The following CNTNAP1 variants were observed in gnomAD, a reference collection of about 807,000 sequenced individuals.
CNTNAP1 encodes contactin-associated protein 1.
In CNTNAP1, 80 loss-of-function variants were observed where a neutral mutation model predicts 161.5. The ratio of observed to expected loss-of-function variants is 0.50; its 90% CI spans 0.41 to 0.60. The LOEUF is 0.60. Ranked by LOEUF, CNTNAP1 falls within the 20% of genes least tolerant of loss-of-function variation. CNTNAP1 has a pLI of 0.00. For synonymous variants in CNTNAP1, 695 were observed against 733.1 expected, an observed-to-expected ratio of 0.95 and a Z score of 0.84; for missense variants, 1,464 against 1,854.8, an observed-to-expected ratio of 0.79 and a Z score of 3.87.
In CNTNAP1 at chr17:42,691,917, C is replaced by T. The variant is rs777210503; in HGVS notation, c.2456C>T (p.Ser819Leu). ...TTCTACTTCAGGACCTCTGCTCCCT[C>T]GGGGGTCTTCCTAGAGAATATGGGG... The part of the protein sequence containing the change: ...VSFYFRTSAP[S>L]GVFLENMGGP... Residue 819 changes from serine (S) to leucine (L), a missense_variant, in exon 16 of 24, where the codon TCG (serine) becomes TTG (leucine). Around this residue, in one of 3 missense-constraint regions of CNTNAP1, gnomAD observed 1,383 missense variants for 1,765.0 expected, o/e 0.78. Transcript: ENST00000264638. This position sits in a 1 kb window ranked among gnomAD's most constrained non-coding sequence, Gnocchi z 4.3. 2.8e-5 allele frequency: 46 copies of T among 1,614,130 alleles called. No homozygotes were observed. In the Admixed American group the frequency reaches 3.0e-4, roughly 11 times the overall value.
intron 1 of CNTNAP1, 123 bp downstream of exon 1, chr17:42,683,019 C>A: frequency 1.1e-6 from 1 of 925,602 alleles, no homozygotes; most frequent in Non-Finnish European, 1.6e-6. Flanking sequence ...CGCCCGCTGG[C>A]TCTCATCTTT....
At position 42,699,168 on chromosome 17, in the gene CNTNAP1, G is replaced by A. The variant is rs955798157; in HGVS notation, c.*258G>A. On this transcript the variant is annotated 3_prime_UTR_variant, in exon 24 of 24. Transcript: ENST00000264638. ...CTGGCTGTTTATCTGCCCCAAAGGA[G>A]AAGCCTCATGGGGTTGACATAGGTC... 9.5e-6 allele frequency: 4 copies of A among 422,140 alleles called. No homozygotes were observed. The highest frequency in any genetic ancestry group is 8.1e-5 in the African/African-American group (4 of 49,502). 26.1% of individuals were successfully genotyped at this position (422,140 alleles called of 1,614,324 possible). A position where few individuals can be genotyped will look rare whatever the true frequency, so the allele number is the denominator to read the frequency against.
chr17:42,689,794 G>A (rs1597807201), intron 11 of CNTNAP1, 167 bp downstream of exon 11: 1 of 630,858 alleles, frequency 1.6e-6, no homozygotes, highest in East Asian at 2.9e-5. Flanking sequence ...AGGCTAGAGT[G>A]CAGTGGTGCC....
At chr17:42,698,445 A>ATGTGTGTGTGTGTG (rs71276881) in intron 23 of CNTNAP1, among the ~76,000 whole-genome samples, 173 bp from the exon 24 acceptor site, 17 of 139,590 alleles carry the variant, frequency 1.2e-4, no homozygotes, top group East Asian at 4.2e-4. Context: ...CCAAAAGTAA[A>ATGTGTGTGTGTGTG]TGTGTGTGTG....
chr17:42,697,505 C>A, intron 21 of CNTNAP1, 49 bp from the exon 22 acceptor site: 1 of 1,610,762 alleles, frequency 6.2e-7, no homozygotes, highest in Non-Finnish European at 8.5e-7. Context: ...GTGAGAGTGG[C>A]AGGGCCTTTG....
In CNTNAP1 at chr17:42,688,983, G is replaced by C. The variant is rs35437096; in HGVS notation, c.1564G>C (p.Val522Leu). 6.9e-3 allele frequency: 11,177 copies of C among 1,613,082 alleles called. 610 individuals are homozygous for C. The African/African-American group carries it at 0.12, about 18-fold the overall frequency. ...VDGQLVNLTL[V>L]EGRRLGFYAE... ...TGGTCAACTGGTCAACCTGACTCTG[G>C]TGGAGGGCCGGCGGCTTGGATTCTA... The change falls in exon 10 of 24, where the codon GTG (valine) becomes CTG (leucine). Residue 522 changes from valine (V) to leucine (L), a missense_variant. Around this residue, in one of 3 missense-constraint regions of CNTNAP1, gnomAD observed 1,383 missense variants for 1,765.0 expected, o/e 0.78. Coordinates refer to ENST00000264638, the MANE Select transcript of CNTNAP1 (RefSeq NM_003632.3).
chr17:42,685,518 T>G lies in CNTNAP1; in HGVS notation c.715+98T>G, dbSNP rs1380824922. The G allele has an allele frequency of 1.0e-4, 122 of 1,175,656 alleles. No homozygotes were observed. Among genetic ancestry groups the G allele is most frequent in the Non-Finnish European group, 1.4e-4 (120 of 836,712 alleles). 72.8% of individuals were successfully genotyped at this position (1,175,656 alleles called of 1,614,324 possible). The stretch of plus-strand genomic sequence containing the variant: ...CTCCGCGCATCCGCGCTCAGCCTGG[T>G]CTTCCACTTCTCTAAGGCCTGGACC... On this transcript the variant is annotated intron_variant, in intron 5 of 23. Transcript: ENST00000264638. This position sits in a 1 kb window ranked among gnomAD's most constrained non-coding sequence, Gnocchi z 5.0.
chr17:42,689,129 A>C, intron 10 of CNTNAP1, 82 bp downstream of exon 10: 1 of 1,359,304 alleles, frequency 7.4e-7, no homozygotes, highest in Non-Finnish European at 1.0e-6. Context: ...TCTTTCAATA[A>C]TCTCCCTTCT....
At position 42,695,544 on chromosome 17, in the gene CNTNAP1, G is replaced by A. The variant is rs2053140285; in HGVS notation, c.3016G>A (p.Gly1006Ser). Reference sequence around the variant, plus strand: ...AGATATTGGTGGTTTCTTTGAGCCGGGCACCTGGATGCGCTATAACCTACA... The same window carrying A: ...AGATATTGGTGGTTTCTTTGAGCCGAGCACCTGGATGCGCTATAACCTACA... ...NHDIGGFFEP[G>S]TWMRYNLQSA... The change falls in exon 19 of 24, where the codon GGC (glycine) becomes AGC (serine). Residue 1006 changes from glycine to serine, a missense_variant. Physicochemically the swap from Gly to Ser is moderately conservative, Grantham distance 56. Coordinates refer to ENST00000264638, the MANE Select transcript of CNTNAP1 (RefSeq NM_003632.3). 6.2e-7 allele frequency: 1 copy of A among 1,604,766 alleles called. No homozygotes were observed.
chr17:42,692,643 A>C lies in CNTNAP1; in HGVS notation c.2675A>C (p.Asp892Ala). ...INVKQARLRVDHRPWVLRPMP... is the reference protein window; with the variant it reads ...INVKQARLRVAHRPWVLRPMP... ...GTGAAGCAGGCCCGGCTCCGAGTGG[A>C]TCACCGGCCCTGGGTTCTGCGGCCT... The change falls in exon 17 of 24, where the codon GAT becomes GCT. Residue 892 changes from aspartate to alanine, a missense_variant. Physicochemically the swap from Asp to Ala is moderately radical, Grantham distance 126. Around this residue, in one of 3 missense-constraint regions of CNTNAP1, gnomAD observed 1,383 missense variants for 1,765.0 expected, o/e 0.78. Coordinates refer to ENST00000264638, the MANE Select transcript of CNTNAP1 (RefSeq NM_003632.3). 6.2e-7 allele frequency: 1 copy of C among 1,614,222 alleles called. No homozygotes were observed. Among genetic ancestry groups the C allele is most frequent in the Non-Finnish European group, 8.5e-7 (1 of 1,180,044 alleles).
intron 9 of CNTNAP1, 84 bp from the exon 10 acceptor site, chr17:42,688,792 T>C (rs1040788768): frequency 9.0e-6 from 14 of 1,558,754 alleles, no homozygotes; most frequent in Middle Eastern, 4.4e-4. Flanking sequence ...TCTTCCTTTA[T>C]GTCTGGCTCC....
At chr17:42,683,391 C>G (rs1247959154) in intron 1 of CNTNAP1, 3 of 1,084,110 alleles carry the variant, frequency 2.8e-6, no homozygotes, top group Non-Finnish European at 3.4e-6. Flanking sequence ...GGTGCTAGCA[C>G]TGGCTGAGGT....
At position 42,692,482 on chromosome 17, in the gene CNTNAP1, T is replaced by C; in HGVS notation, c.2531-17T>C. On this transcript the variant is annotated splice_polypyrimidine_tract_variant and intron_variant, in intron 16 of 23. Coordinates refer to ENST00000264638, the MANE Select transcript of CNTNAP1 (RefSeq NM_003632.3). ...GTCTGAGTCCTTTTCTCCCCTACCC[T>C]GCATCACACTGTCCAGCATCCCGGG... The C allele has an allele frequency of 6.2e-7, 1 of 1,607,386 alleles. No individual in the cohort carries two copies.
intron 17 of CNTNAP1, among the ~76,000 whole-genome samples, chr17:42,692,987 C>T (rs369769500): frequency 2.0e-5 from 3 of 146,892 alleles, no homozygotes; most frequent in African/African-American, 5.1e-5. Context: ...GACGGAGTCT[C>T]GCTCTGTCAC....
chr17:42,688,055 CTG>C (rs2053040620), intron 8 of CNTNAP1, 74 bp downstream of exon 8: 2 of 1,538,964 alleles, frequency 1.3e-6, no homozygotes, highest in Admixed American at 1.9e-5. Flanking sequence ...TAGGCCTGGA[CTG>C]AGGCCTTTAC....
Position 42,683,166 on chromosome 17 carries a change from G to C in CNTNAP1, c.67+270G>C, listed in dbSNP as rs1802174296. The C allele has an allele frequency of 6.9e-6, 4 of 581,042 alleles. No homozygotes were observed. The Admixed American group carries it at 9.8e-5, about 14-fold the overall frequency. 36.0% of individuals were successfully genotyped at this position (581,042 alleles called of 1,614,324 possible). On this transcript the variant is annotated intron_variant, in intron 1 of 23. Transcript: ENST00000264638. ...GGGATCCAAGCAGGAGCTGGTGCCT[G>C]GGTTTGAGGCTAGGGCTGGGGGATA... is the stretch of plus-strand genomic sequence containing the variant.
rs541480347 is a variant in CNTNAP1 at position 42,682,962 on chromosome 17, G to A, written c.67+66G>A. ...AGTCCAGAGCCTGCAGGGCGGCCCC[G>A]AACCGCATTGCGGCTGGGTGGTCGC... On this transcript the variant is annotated intron_variant, in intron 1 of 23. Transcript: ENST00000264638. The A allele has an allele frequency of 6.9e-6, 10 of 1,441,762 alleles. No homozygotes were observed. The Admixed American group carries it at 2.0e-4, about 29-fold the overall frequency. 89.3% of individuals were successfully genotyped at this position (1,441,762 alleles called of 1,614,324 possible). A position where few individuals can be genotyped will look rare whatever the true frequency, so the allele number is the denominator to read the frequency against.
rs2053030954 is a variant in CNTNAP1 at position 42,687,339 on chromosome 17, A to G, written c.1044+293A>G. On this transcript the variant is annotated intron_variant, in intron 7 of 23. Transcript: ENST00000264638. The surrounding 1 kb of genome is among the most constrained non-coding windows in gnomAD (Gnocchi z 4.7). ...GGGTCGTGCAGCTGCACGGTGGCTG[A>G]GTAGGGACTTGAACCGATGGCTTCT... 1 of 501,412 alleles carries G rather than the reference A, an allele frequency of 2.0e-6. No homozygotes were observed. The highest frequency in any genetic ancestry group is 3.6e-6 in the Non-Finnish European group (1 of 281,504). The allele number at this position is 501,412 out of a possible 1,614,324, so 31.1% of individuals were successfully genotyped here.
Position 42,682,743 on chromosome 17 carries a change from A to C in CNTNAP1, c.-87A>C. The C allele has an allele frequency of 7.3e-7, 1 of 1,377,624 alleles. No individual in the cohort carries two copies. Among genetic ancestry groups the C allele is most frequent in the South Asian group, 1.2e-5 (1 of 80,746 alleles). 85.3% of individuals were successfully genotyped at this position (1,377,624 alleles called of 1,614,324 possible). A position where few individuals can be genotyped will look rare whatever the true frequency, so the allele number is the denominator to read the frequency against. On this transcript the variant is annotated 5_prime_UTR_variant, in exon 1 of 24. Coordinates refer to ENST00000264638, the MANE Select transcript of CNTNAP1 (RefSeq NM_003632.3). ...GAGAGAGCGGTCTGCTGCAAACCCC[A>C]GGAGGAGAGCTTGGAGCCCAAGCCA...
Sources: gnomAD v4.1 joint callset for allele counts (sites outside exome capture counted in the v4.1 genomes callset) on GRCh38, gnomAD v4.1.1 for gene constraint, gnomAD v4.1.1 regional missense constraint, Gnocchi (gnomAD v3.1) non-coding constraint, MANE v1.5 for transcripts, NCBI Gene and HGNC (gene_info 2026-07-23, HGNC 2026-07-21) for gene names.